The following CCSER1 variants were observed in gnomAD, a reference collection of about 807,000 sequenced individuals.
CCSER1 encodes coiled-coil serine rich protein 1.
In CCSER1, 41 loss-of-function variants were observed where a neutral mutation model predicts 82.0. That is an observed-to-expected ratio of 0.50 (90% CI 0.39 to 0.65). The LOEUF (loss-of-function observed/expected upper bound fraction) is 0.65, where lower values mean the gene tolerates loss of function less well. Among genes scored for constraint, CCSER1 ranks in the 30% least tolerant of loss-of-function variants. The pLI is 0.00. For missense variants in CCSER1, 1,119 were observed against 1,064.2 expected, an observed-to-expected ratio of 1.05 and a Z score of -0.72; for synonymous variants, 414 against 383.9, an observed-to-expected ratio of 1.08 and a Z score of -0.92.
At chr4:90,903,315 G>A (rs1724945576) in intron 8 of CCSER1, among the ~76,000 whole-genome samples, 1 of 151,846 alleles carries the variant, frequency 6.6e-6, no homozygotes, top group Admixed American at 6.6e-5. Flanking sequence ...GGTTTATCAG[G>A]GGCTTCCACT....
chr4:90,899,954 C>T (rs1471704683), intron 8 of CCSER1, among the ~76,000 whole-genome samples: 1 of 151,804 alleles, frequency 6.6e-6, no homozygotes, highest in South Asian at 2.1e-4. Flanking sequence ...AGGTGATACT[C>T]GTTTCCTAGA....
At chr4:91,205,187 G>A (rs1431540324) in intron 10 of CCSER1, among the ~76,000 whole-genome samples, 2 of 151,666 alleles carry the variant, frequency 1.3e-5, no homozygotes, top group Admixed American at 6.6e-5. Flanking sequence ...CTTGACATGA[G>A]TTAGTAATTA....
chr4:90,814,372 C>T (rs1215429427), intron 7 of CCSER1, among the ~76,000 whole-genome samples: 2 of 152,176 alleles, frequency 1.3e-5, no homozygotes, highest in African/African-American at 2.4e-5. Flanking sequence ...CTGAAATGAC[C>T]TGGAGACATT....
At chr4:90,345,196 T>A (rs1742108110) in intron 3 of CCSER1, among the ~76,000 whole-genome samples, 1 of 152,074 alleles carries the variant, frequency 6.6e-6, no homozygotes, top group South Asian at 2.1e-4. Flanking sequence ...AACAGAAATA[T>A]GTGTAGGAAT....
chr4:91,591,561 T>C (rs1410495245), intron 10 of CCSER1, among the ~76,000 whole-genome samples: 2 of 152,174 alleles, frequency 1.3e-5, no homozygotes, highest in East Asian at 3.8e-4. Flanking sequence ...AGTCAGTTGC[T>C]GAGTTTTTAT....
At chr4:90,382,026 G>C (rs1184271331) in intron 3 of CCSER1, among the ~76,000 whole-genome samples, 2 of 151,998 alleles carry the variant, frequency 1.3e-5, no homozygotes, top group African/African-American at 2.4e-5. Context: ...AGTAAAAACT[G>C]GTGTGAGTGG....
At chr4:90,817,911 T>C (rs1163726489) in intron 8 of CCSER1, among the ~76,000 whole-genome samples, 2 of 152,208 alleles carry the variant, frequency 1.3e-5, no homozygotes, top group Non-Finnish European at 2.9e-5. Flanking sequence ...ATTTTACACT[T>C]ATGCTTTACT....
At chr4:90,856,124 A>G (rs1902035) in intron 8 of CCSER1, among the ~76,000 whole-genome samples, 100,141 of 151,906 alleles carry the variant, frequency 0.66, 33,544 homozygotes, top group African/African-American at 0.76. Flanking sequence ...TATTCCCCCC[A>G]TCTTCCTTTC....
intron 1 of CCSER1, among the ~76,000 whole-genome samples, chr4:90,295,586 A>G (rs950615179): frequency 1.3e-5 from 2 of 151,830 alleles, no homozygotes; most frequent in Non-Finnish European, 2.9e-5. Context: ...GGTGATTTGT[A>G]TTTCTTCTTT....
At chr4:90,791,057 G>A (rs939492856) in intron 7 of CCSER1, among the ~76,000 whole-genome samples, 3 of 152,158 alleles carry the variant, frequency 2.0e-5, no homozygotes, top group African/African-American at 7.2e-5. Flanking sequence ...GGGGCTTAGG[G>A]AACTTACAGG....
At chr4:90,491,357 C>T (rs1767978643) in intron 5 of CCSER1, among the ~76,000 whole-genome samples, 1 of 152,128 alleles carries the variant, frequency 6.6e-6, no homozygotes, top group African/African-American at 2.4e-5. Flanking sequence ...GTGATTTTCG[C>T]ACATTGATTT....
At chr4:90,354,847 T>C (rs917583206) in intron 3 of CCSER1, among the ~76,000 whole-genome samples, 2 of 152,080 alleles carry the variant, frequency 1.3e-5, no homozygotes, top group African/African-American at 4.8e-5. Flanking sequence ...AGTTTTGCCA[T>C]ATTGCAAATG....
At chr4:90,526,955 C>T (rs1773846248) in intron 5 of CCSER1, among the ~76,000 whole-genome samples, 2 of 152,164 alleles carry the variant, frequency 1.3e-5, no homozygotes. Context: ...ACACTGTCTT[C>T]CACAATGGTT....
In CCSER1 at chr4:90,918,634, G is replaced by GATATATATATATATATATATAT. The variant is rs1363853552; in HGVS notation, c.2095-4735_2095-4734insTATATATATATATATATATATA. Among the ~76,000 whole-genome samples, 11 of 148,962 alleles carry GATATATATATATATATATATAT rather than the reference G, an allele frequency of 7.4e-5. No homozygotes were observed. In the East Asian group the frequency reaches 8.0e-4, roughly 11 times the overall value. ...TATTATGTCTTTCATGCTCATTCAA[G>GATATATATATATATATATATAT]AGAGATATATATATATATATTAGTA... On this transcript the variant is annotated intron_variant, in intron 8 of 10. Coordinates refer to ENST00000509176, the MANE Select transcript of CCSER1 (RefSeq NM_001145065.2).
intron 9 of CCSER1, among the ~76,000 whole-genome samples, chr4:91,000,295 A>G (rs979748901): frequency 1.2e-4 from 18 of 151,944 alleles, no homozygotes; most frequent in Non-Finnish European, 1.5e-5. Flanking sequence ...TTTAGGTTAC[A>G]TACTACATTA....
In CCSER1 at chr4:90,313,020, T is replaced by A; in HGVS notation, c.1482T>A (p.Gly494=). The A allele has an allele frequency of 1.2e-6, 2 of 1,604,028 alleles. No homozygotes were observed. The highest frequency in any genetic ancestry group is 1.7e-6 in the Non-Finnish European group (2 of 1,174,626). ...ATAGTTTAAGAAAGCAAAGAGCAGGTTCTTCATCTTCAAAAATGAACAGTT... is the reference window on the plus strand; with the variant it reads ...ATAGTTTAAGAAAGCAAAGAGCAGGATCTTCATCTTCAAAAATGAACAGTT... ...EVNSLRKQRA[G]SSSSKMNSLD... The change falls in exon 3 of 11, where the codon GGT becomes GGA. Residue 494 remains glycine (G), a synonymous_variant. Transcript: ENST00000509176.
chr4:90,383,336 A>G (rs762081837), intron 3 of CCSER1, among the ~76,000 whole-genome samples: 11 of 152,208 alleles, frequency 7.2e-5, no homozygotes, highest in Non-Finnish European at 1.0e-4. Context: ...ACAGATTATC[A>G]TGAATAATAC....
At chr4:91,477,202 A>T (rs1757642491) in intron 10 of CCSER1, among the ~76,000 whole-genome samples, 1 of 151,858 alleles carries the variant, frequency 6.6e-6, no homozygotes, top group African/African-American at 2.4e-5. Context: ...ATAGATAAGG[A>T]ACTCAAATAA....
At chr4:90,249,532 A>G (rs1174903074) in intron 1 of CCSER1, among the ~76,000 whole-genome samples, 1 of 152,144 alleles carries the variant, frequency 6.6e-6, no homozygotes, top group Non-Finnish European at 1.5e-5. Flanking sequence ...AACTACTAAT[A>G]TATTTTCTGT....
Sources: allele counts gnomAD v4.1 joint callset (sites outside exome capture counted in the v4.1 genomes callset), GRCh38; gene constraint gnomAD v4.1.1; transcripts MANE v1.5; gene names NCBI Gene and HGNC (gene_info 2026-07-23, HGNC 2026-07-21).